The following C6 variants were observed in gnomAD, a reference collection of about 807,000 sequenced individuals.
The protein encoded by C6 is complement component C6.
C6 carries 101 observed loss-of-function variants against 112.9 expected under a neutral mutation model. The observed-to-expected ratio is 0.89, with a 90% CI of 0.76 to 1.06. The LOEUF is 1.06. Ranked by LOEUF, C6 falls within the 50% of genes least tolerant of loss-of-function variation. The pLI, the probability that C6 is intolerant of heterozygous loss-of-function variation, is 0.00. For missense variants in C6, 1,202 were observed against 1,104.6 expected, an observed-to-expected ratio of 1.09 and a Z score of -1.25; for synonymous variants, 431 against 384.1, an observed-to-expected ratio of 1.12 and a Z score of -1.43.
chr5:41,198,825 A>G (rs1365794660), intron 4 of C6, among the ~76,000 whole-genome samples: 2 of 152,140 alleles, frequency 1.3e-5, no homozygotes, highest in Non-Finnish European at 2.9e-5. Flanking sequence ...TCAAATAGTT[A>G]TACTTCAGTT....
Position 41,160,355 on chromosome 5 carries a change from C to T in C6, c.1471G>A (p.Val491Met), listed in dbSNP as rs200823179. 2.8e-4 allele frequency: 457 copies of T among 1,613,368 alleles called. 3 individuals are homozygous for T. The highest frequency in any genetic ancestry group is 5.7e-4 in the South Asian group (52 of 91,082). ...AVIDFELAPI[V>M]DLVRNIPCAV... ...CAGGGGATGTTTCTTACCAAGTCCA[C>T]GATGGGGGCAAGCTAGGAGAAAATG... The change falls in exon 11 of 18, where the codon GTG becomes ATG. Residue 491 changes from valine to methionine, a missense_variant. Transcript: ENST00000337836.
intron 3 of C6, among the ~76,000 whole-genome samples, chr5:41,200,891 G>GTTTTTTTTTTTTTTTTTTTTTTTTTTTT (rs143443464): frequency 4.2e-5 from 3 of 70,670 alleles, no homozygotes; most frequent in African/African-American, 6.5e-5. Flanking sequence ...TGTTGTTGTT[G>GTTTTTTTTTTTTTTTTTTTTTTTTTTTT]TTTTTTTTTT....
intron 1 of C6, among the ~76,000 whole-genome samples, chr5:41,231,561 A>G (rs551524088): frequency 7.2e-5 from 11 of 152,256 alleles, no homozygotes; most frequent in Admixed American, 2.6e-4. Context: ...ATATGCTGTT[A>G]CAACCATCTA....
intron 1 of C6, among the ~76,000 whole-genome samples, chr5:41,257,828 AT>A (rs1209660721): frequency 5.9e-5 from 9 of 151,924 alleles, no homozygotes; most frequent in Non-Finnish European, 1.3e-4. Context: ...TTCCCTTTTT[AT>A]TTTTTTGGCT....
intron 13 of C6, among the ~76,000 whole-genome samples, chr5:41,156,026 G>A (rs1442260902): frequency 1.3e-5 from 2 of 151,860 alleles, no homozygotes; most frequent in Admixed American, 1.3e-4. Flanking sequence ...ATGTTGCTGG[G>A]GGGTGGGGGT....
At chr5:41,235,107 G>A (rs1400597494) in intron 1 of C6, among the ~76,000 whole-genome samples, 2 of 142,894 alleles carry the variant, frequency 1.4e-5, no homozygotes, top group Non-Finnish European at 3.0e-5. Context: ...TTAAGTTTTA[G>A]GGTACATGTG....
At chr5:41,148,972 A>C (rs1378128980) in intron 17 of C6, among the ~76,000 whole-genome samples, 2 of 152,168 alleles carry the variant, frequency 1.3e-5, no homozygotes, top group Non-Finnish European at 2.9e-5. Flanking sequence ...GATCGGGACA[A>C]GTGCTCTTCC....
chr5:41,234,337 C>CG (rs1740100899), intron 1 of C6, among the ~76,000 whole-genome samples: 1 of 139,126 alleles, frequency 7.2e-6, no homozygotes, highest in Non-Finnish European at 1.5e-5. Flanking sequence ...TCTACCCTTT[C>CG]GTTTTTTTTT....
At chr5:41,254,423 G>T (rs1249978638) in intron 1 of C6, among the ~76,000 whole-genome samples, 1 of 152,104 alleles carries the variant, frequency 6.6e-6, no homozygotes, top group Admixed American at 6.5e-5. Flanking sequence ...GAAAGAGAAA[G>T]AATAGTTTTA....
intron 8 of C6, chr5:41,172,564 G>A (rs1478615734): frequency 8.4e-6 from 5 of 594,878 alleles, no homozygotes; most frequent in East Asian, 2.9e-5. Flanking sequence ...TCCCGTGAGT[G>A]CCCATCATCT....
intron 1 of C6, among the ~76,000 whole-genome samples, chr5:41,260,459 AAAC>A (rs748206478): frequency 0.022 from 3,204 of 144,466 alleles, 139 homozygotes; most frequent in African/African-American, 0.077. Flanking sequence ...CCCCCCCCCA[AAAC>A]AAACAAACAA....
At chr5:41,148,355 T>A (rs1199650983) in intron 17 of C6, among the ~76,000 whole-genome samples, 1 of 152,130 alleles carries the variant, frequency 6.6e-6, no homozygotes, top group Non-Finnish European at 1.5e-5. Flanking sequence ...TAGAATAACA[T>A]GTAGAGTATG....
intron 1 of C6, among the ~76,000 whole-genome samples, chr5:41,209,288 G>A (rs1751700637): frequency 1.3e-5 from 2 of 152,170 alleles, no homozygotes; most frequent in African/African-American, 2.4e-5. Flanking sequence ...AAAACTGGAA[G>A]CATTCCCTTT....
At chr5:41,169,864 A>G (rs982974626) in intron 9 of C6, among the ~76,000 whole-genome samples, 20 of 152,224 alleles carry the variant, frequency 1.3e-4, no homozygotes, top group African/African-American at 4.6e-4. Context: ...AAGGGATACA[A>G]ATCCAAACCA....
intron 1 of C6, chr5:41,261,093 A>G: frequency 7.9e-6 from 5 of 632,138 alleles, no homozygotes; most frequent in Non-Finnish European, 9.9e-6. Flanking sequence ...GCCTTTGTAA[A>G]CTTTCATCTG....
intron 1 of C6, among the ~76,000 whole-genome samples, chr5:41,256,211 C>T (rs1580264089): frequency 6.6e-6 from 1 of 151,752 alleles, no homozygotes; most frequent in East Asian, 1.9e-4. Context: ...GGGTTGGTTC[C>T]AAGTCTTTGC....
rs1749324426 is a variant in C6 at position 41,181,355 on chromosome 5, A to G, written c.927+4T>C. 6.2e-7 allele frequency: 1 copy of G among 1,613,166 alleles called. No homozygotes were observed. The highest frequency in any genetic ancestry group is 8.5e-7 in the Non-Finnish European group (1 of 1,179,290). On this transcript the variant is annotated splice_donor_region_variant and intron_variant, in intron 7 of 17. Coordinates refer to ENST00000337836, the MANE Select transcript of C6 (RefSeq NM_000065.5). ...AATAAAAGGTTGGAAACCATTTTTGATACCTTTTTGTGAGAGGCTTGAATG... is the reference window on the plus strand; with the variant it reads ...AATAAAAGGTTGGAAACCATTTTTGGTACCTTTTTGTGAGAGGCTTGAATG...
chr5:41,170,010 T>A (rs1197325313), intron 9 of C6, among the ~76,000 whole-genome samples: 1 of 152,228 alleles, frequency 6.6e-6, no homozygotes, highest in African/African-American at 2.4e-5. Flanking sequence ...GACTTAATAC[T>A]GTATTTCTAG....
In C6 at chr5:41,195,775, A is replaced by T; in HGVS notation, c.587+17T>A. ...TGATACCTGTTCTCCCCAAGATGAT[A>T]AAAAGATGTTACATACCCATTGCCC... On this transcript the variant is annotated intron_variant, in intron 5 of 17. Transcript: ENST00000337836. 6.2e-7 allele frequency: 1 copy of T among 1,612,370 alleles called. No homozygotes were observed. The highest frequency in any genetic ancestry group is 1.3e-5 in the African/African-American group (1 of 74,992).
Sources: allele counts gnomAD v4.1 joint callset (sites outside exome capture counted in the v4.1 genomes callset), GRCh38; gene constraint gnomAD v4.1.1; transcripts MANE v1.5; gene names NCBI Gene and HGNC (gene_info 2026-07-23, HGNC 2026-07-21).